The following HELLS variants were observed in gnomAD, a reference collection of about 807,000 sequenced individuals.
HELLS encodes the protein helicase, lymphoid specific.
In HELLS, 32 loss-of-function variants were observed where a neutral mutation model predicts 120.0. That is an observed-to-expected ratio of 0.27 (90% CI 0.20 to 0.36). HELLS has a LOEUF of 0.36. Among genes scored for constraint, HELLS ranks in the 10% least tolerant of loss-of-function variants. HELLS has a pLI of 1.00. For missense variants in HELLS, 650 were observed against 993.4 expected, an observed-to-expected ratio of 0.65 and a Z score of 4.65; for synonymous variants, 341 against 323.4, an observed-to-expected ratio of 1.05 and a Z score of -0.58.
downstream of HELLS, among the ~76,000 whole-genome samples, chr10:94,606,674 A>G (rs1412314168): frequency 6.6e-6 from 1 of 152,100 alleles, no homozygotes; most frequent in African/African-American, 2.4e-5. Context: ...TCGTAACAAA[A>G]TTTCTTTCCC....
downstream of HELLS, among the ~76,000 whole-genome samples, chr10:94,603,314 G>A (rs1589772196): frequency 6.6e-6 from 1 of 152,136 alleles, no homozygotes; most frequent in South Asian, 2.1e-4. Flanking sequence ...GTCTCGTGAC[G>A]TCAGTGACCT....
At chr10:94,594,566 G>A in intron 18 of HELLS, 129 bp from the exon 19 acceptor site, 1 of 586,166 alleles carries the variant, frequency 1.7e-6, no homozygotes, top group Non-Finnish European at 2.8e-6. Flanking sequence ...AAGCCACTCT[G>A]GAAGTTTAAA....
At chr10:94,579,098 A>G (rs1382102470) in intron 10 of HELLS, among the ~76,000 whole-genome samples, 1 of 151,848 alleles carries the variant, frequency 6.6e-6, no homozygotes. Flanking sequence ...GATTTAAAGC[A>G]TTTCTTTACA....
chr10:94,569,443 A>C (rs1378762534), intron 6 of HELLS: 1 of 152,362 alleles, frequency 6.6e-6, no homozygotes, highest in African/African-American at 2.4e-5. Flanking sequence ...TGGCCTCCCA[A>C]AGTGCTGGGA....
At chr10:94,576,864 T>A in intron 10 of HELLS, 59 bp downstream of exon 10, 1 of 1,433,196 alleles carries the variant, frequency 7.0e-7, no homozygotes, top group Non-Finnish European at 9.5e-7. Flanking sequence ...TCTTCATTTA[T>A]ATCACTTTCT....
chr10:94,608,547 G>T (rs1846153921), intron 9 of HELLS, among the ~76,000 whole-genome samples: 1 of 152,106 alleles, frequency 6.6e-6, no homozygotes. Context: ...AGTGGTCAAA[G>T]AAAGGTCTCT....
At chr10:94,587,742 C>A (rs1022527575) in intron 12 of HELLS, among the ~76,000 whole-genome samples, 19 of 152,142 alleles carry the variant, frequency 1.2e-4, no homozygotes, top group African/African-American at 4.3e-4. Flanking sequence ...TTATACTCTT[C>A]TTTATATTTT....
At chr10:94,610,063 T>C (rs1846174306) in exon 10 of HELLS, 2 of 152,194 alleles carry the variant, frequency 1.3e-5, no homozygotes, top group South Asian at 4.1e-4. Context: ...GATACGTGCA[T>C]GATAGCTGCT....
intron 10 of HELLS, among the ~76,000 whole-genome samples, chr10:94,580,185 A>ACAC (rs1491523737): frequency 2.7e-4 from 19 of 69,362 alleles, no homozygotes; most frequent in African/African-American, 1.1e-3. Flanking sequence ...ACACACACAC[A>ACAC]TTTTTTTTTT....
chr10:94,590,879 T>C lies in HELLS; in HGVS notation c.1767+103T>C. On this transcript the variant is annotated intron_variant, in intron 15 of 21. Coordinates refer to ENST00000348459, the MANE Select transcript of HELLS (RefSeq NM_018063.5). ...TTATAATTATTAAAAATAAGTATGG[T>C]GCTATTTGTCATGAAGATTGTAATC... 4.8e-6 allele frequency: 3 copies of C among 625,920 alleles called. No individual in the cohort carries two copies. The South Asian group carries it at 9.8e-5, about 20-fold the overall frequency. The allele number at this position is 625,920 out of a possible 1,614,324, so 38.8% of individuals were successfully genotyped here.
chr10:94,566,015 C>G (rs1843779194), intron 6 of HELLS, among the ~76,000 whole-genome samples: 1 of 152,074 alleles, frequency 6.6e-6, no homozygotes, highest in Non-Finnish European at 1.5e-5. Context: ...ATCTCACACT[C>G]CCCAGTAGCA....
intron 11 of HELLS, among the ~76,000 whole-genome samples, chr10:94,581,939 A>G (rs1298245876): frequency 6.6e-6 from 1 of 152,190 alleles, no homozygotes; most frequent in East Asian, 1.9e-4. Context: ...ACCAGAGCCA[A>G]AGTTAAAACC....
At chr10:94,575,383 G>T (rs1396145322) in intron 9 of HELLS, among the ~76,000 whole-genome samples, 1 of 151,668 alleles carries the variant, frequency 6.6e-6, no homozygotes, top group African/African-American at 2.4e-5. Flanking sequence ...ATAGACGTGA[G>T]CCACTGTACC....
chr10:94,588,058 T>C (rs1371377308), intron 12 of HELLS, among the ~76,000 whole-genome samples, 171 bp from the exon 13 acceptor site: 1 of 152,184 alleles, frequency 6.6e-6, no homozygotes, highest in Non-Finnish European at 1.5e-5. Flanking sequence ...CAACTGTGAG[T>C]TTATCATTTG....
chr10:94,558,840 A>G (rs1843400665), intron 4 of HELLS, among the ~76,000 whole-genome samples: 1 of 152,090 alleles, frequency 6.6e-6, no homozygotes, highest in African/African-American at 2.4e-5. Context: ...TGACCTTGTG[A>G]TCTGCCCACC....
chr10:94,574,706 G>A lies in HELLS; in HGVS notation c.858G>A (p.Trp286Ter), dbSNP rs1330145415. Reference sequence around the variant, plus strand: ...GCCCTTTGTCTACACTTCCTAACTGGATGGCTGAATTCAAAAGATTTACAC... The same window carrying A: ...GCCCTTTGTCTACACTTCCTAACTGAATGGCTGAATTCAAAAGATTTACAC... Reference protein sequence around the residue: ...VCGPLSTLPNWMAEFKRFTPD... With the variant: ...VCGPLSTLPN The change falls in exon 9 of 22, where the codon TGG becomes TGA. Residue 286 changes from tryptophan (W) to a stop codon, truncating the protein, a stop_gained. Transcript: ENST00000348459. LOFTEE classifies it high-confidence loss of function. The A allele has an allele frequency of 1.2e-6, 2 of 1,613,208 alleles. No individual in the cohort carries two copies.
chr10:94,603,431 C>G (rs1219781619), downstream of HELLS, among the ~76,000 whole-genome samples: 1 of 152,104 alleles, frequency 6.6e-6, no homozygotes, highest in East Asian at 1.9e-4. Context: ...GCTTTTTCTT[C>G]CTATTTCTCT....
rs549953904 is a variant in HELLS, at chr10:94,575,457, A to T, written c.888+721A>T. Among the ~76,000 whole-genome samples the T allele has an allele frequency of 2.1e-3, 313 of 151,304 alleles. 1 individual carries two copies. Among genetic ancestry groups the T allele is most frequent in the African/African-American group, 7.3e-3 (303 of 41,392 alleles). ...GAAATATATATATTCTAGACGTAGT[A>T]TCACCATCTGTCTCATTTTATATAT... On this transcript the variant is annotated intron_variant, in intron 9 of 21. Transcript: ENST00000348459.
intron 21 of HELLS, among the ~76,000 whole-genome samples, chr10:94,597,596 G>A (rs1453105262): frequency 2.6e-5 from 4 of 152,050 alleles, no homozygotes; most frequent in Admixed American, 6.6e-5. Context: ...GCGCTGACAC[G>A]ATCTCAGCTC....
Sources: allele counts gnomAD v4.1 joint callset (sites outside exome capture counted in the v4.1 genomes callset), GRCh38; gene constraint gnomAD v4.1.1; transcripts MANE v1.5; gene names NCBI Gene and HGNC (gene_info 2026-07-23, HGNC 2026-07-21).